Variants in DYRK1A observed in about 807,000 individuals in gnomAD.
DYRK1A encodes dual specificity tyrosine phosphorylation regulated kinase 1A, also known as dual specificity tyrosine-phosphorylation-regulated kinase 1A.
In DYRK1A, 9 loss-of-function variants were observed where a neutral mutation model predicts 79.7. The ratio of observed to expected loss-of-function variants is 0.11; its 90% CI spans 0.07 to 0.20. The LOEUF (loss-of-function observed/expected upper bound fraction) is 0.20, where lower values mean the gene tolerates loss of function less well. Among genes scored for constraint, DYRK1A ranks in the 10% least tolerant of loss-of-function variants. DYRK1A has a pLI of 1.00. For synonymous variants in DYRK1A, 349 were observed against 329.7 expected (o/e 1.06, Z -0.63); for missense variants, 622 against 956.0 (o/e 0.65, Z 4.61).
At chr21:37,398,756 A>G (rs984737797) in intron 1 of DYRK1A, among the ~76,000 whole-genome samples, 3 of 152,182 alleles carry the variant, frequency 2.0e-5, no homozygotes, top group Non-Finnish European at 4.4e-5. Flanking sequence ...ATTCATTATA[A>G]TGTCCTTAAG....
intron 2 of DYRK1A, chr21:37,421,652 T>G (rs1056513744): frequency 3.3e-5 from 5 of 152,164 alleles, no homozygotes; most frequent in African/African-American, 1.2e-4. Context: ...AAAAGCAACG[T>G]GATGCTGAAG....
At chr21:37,417,528 T>C (rs1180191280) in intron 1 of DYRK1A, among the ~76,000 whole-genome samples, 3 of 65,424 alleles carry the variant, frequency 4.6e-5, no homozygotes, top group African/African-American at 6.7e-5. Flanking sequence ...TTTTTCTTTT[T>C]CTTTTTTTTT....
At chr21:37,440,785 CTTTAA>C (rs1299842196) in intron 2 of DYRK1A, among the ~76,000 whole-genome samples, 2 of 152,040 alleles carry the variant, frequency 1.3e-5, no homozygotes, top group African/African-American at 4.8e-5. Flanking sequence ...ACTCGATTTC[CTTTAA>C]TTTATTAGGG....
chr21:37,480,743 T>C lies in DYRK1A; in HGVS notation c.406T>C (p.Tyr136His). The C allele has an allele frequency of 1.9e-6, 3 of 1,612,974 alleles. No individual in the cohort carries two copies. Among genetic ancestry groups the C allele is most frequent in the Non-Finnish European group, 2.5e-6 (3 of 1,179,496 alleles). ...VYNDGYDDDN[Y>H]DYIVKNGEKW... Reference sequence around the variant, plus strand: ...CAATGATGGTTATGATGATGATAACTATGATTATATTGTAAAAAACGGAGA... The same window carrying C: ...CAATGATGGTTATGATGATGATAACCATGATTATATTGTAAAAAACGGAGA... Residue 136 changes from tyrosine (Y) to histidine (H), a missense_variant, in exon 5 of 12, where the codon TAT becomes CAT. Physicochemically the swap from Tyr to His is moderately conservative, Grantham distance 83 (BLOSUM62 2). Coordinates refer to ENST00000647188, the MANE Select transcript of DYRK1A (RefSeq NM_001347721.2).
rs1213139646 is a variant in DYRK1A at position 37,440,132 on chromosome 21, T to G, written c.10+19748T>G. ...GTTGACTTTGATTTTGTTTGCTCCT[T>G]TTTTTTTTTTTTTTTTTTTTTGAGA... On this transcript the variant is annotated intron_variant, in intron 2 of 11. Coordinates refer to ENST00000647188, the MANE Select transcript of DYRK1A (RefSeq NM_001347721.2). Among the ~76,000 whole-genome samples the G allele has an allele frequency of 4.3e-5, 3 of 70,296 alleles. No homozygotes were observed. In the East Asian group the frequency reaches 2.1e-3, roughly 50 times the overall value. 46.1% of individuals were successfully genotyped at this position (70,296 alleles called of 152,430 possible).
chr21:37,430,986 A>T (rs1046178661), intron 2 of DYRK1A, among the ~76,000 whole-genome samples: 13 of 152,006 alleles, frequency 8.6e-5, no homozygotes, highest in African/African-American at 3.1e-4. Flanking sequence ...TCTGGTTCCT[A>T]GATCTTTTTG....
At chr21:37,471,913 CT>C (rs901930062) in intron 2 of DYRK1A, among the ~76,000 whole-genome samples, 19 of 151,996 alleles carry the variant, frequency 1.3e-4, no homozygotes, top group African/African-American at 3.1e-4. Context: ...TAAGAAAAAT[CT>C]TTTTTTTATC....
chr21:37,424,420 G>A (rs370522741), intron 2 of DYRK1A, among the ~76,000 whole-genome samples: 1 of 152,052 alleles, frequency 6.6e-6, no homozygotes, highest in Admixed American at 6.5e-5. Flanking sequence ...CCAAGTTTTA[G>A]TGTCCCCTAC....
chr21:37,381,884 A>G (rs2049665431), intron 1 of DYRK1A, among the ~76,000 whole-genome samples: 1 of 152,228 alleles, frequency 6.6e-6, no homozygotes, highest in Non-Finnish European at 1.5e-5. Flanking sequence ...TTTTGGCTTT[A>G]ACTTCAAGTT....
intron 2 of DYRK1A, among the ~76,000 whole-genome samples, chr21:37,425,332 AATAC>A (rs777788646): frequency 2.6e-5 from 4 of 152,334 alleles, no homozygotes; most frequent in Middle Eastern, 3.4e-3. Context: ...TGCTTGCTTT[AATAC>A]ATTTCTTCAA....
chr21:37,476,981 C>G (rs377189980), intron 3 of DYRK1A, among the ~76,000 whole-genome samples: 19 of 152,102 alleles, frequency 1.2e-4, no homozygotes, highest in East Asian at 7.7e-4. Flanking sequence ...TGATAAAGCG[C>G]ACGTAGTAAA....
intron 6 of DYRK1A, chr21:37,488,710 A>G (rs2052964645): frequency 1.0e-6 from 1 of 985,304 alleles, no homozygotes; most frequent in African/African-American, 1.7e-5. Flanking sequence ...GAAACTAAGT[A>G]GATCTTTCAT....
intron 1 of DYRK1A, among the ~76,000 whole-genome samples, chr21:37,394,724 A>G (rs2049930171): frequency 6.6e-6 from 1 of 152,124 alleles, no homozygotes; most frequent in African/African-American, 2.4e-5. Context: ...TCATTCTGAA[A>G]CCATTTCCCA....
In DYRK1A at chr21:37,490,347, A is replaced by G; in HGVS notation, c.810A>G (p.Pro270=). The part of the protein sequence containing the change: ...MCTALLFLAT[P]ELSIIHCDLK... ...CTGCACTGCTTTTCCTTGCGACTCC[A>G]GAACTTAGTATCATTCACTGTGATC... Residue 270 remains proline (P), a synonymous_variant, in exon 7 of 12, where the codon CCA becomes CCG. Coordinates refer to ENST00000647188, the MANE Select transcript of DYRK1A (RefSeq NM_001347721.2). 6.2e-7 allele frequency: 1 copy of G among 1,613,808 alleles called. No homozygotes were observed. The highest frequency in any genetic ancestry group is 8.5e-7 in the Non-Finnish European group (1 of 1,179,780).
intron 1 of DYRK1A, among the ~76,000 whole-genome samples, chr21:37,406,555 TGTG>T (rs1324698349): frequency 6.6e-6 from 1 of 151,850 alleles, no homozygotes; most frequent in Non-Finnish European, 1.5e-5. Context: ...ACTAGCCAGG[TGTG>T]GTGGCACATG....
At chr21:37,471,717 C>G (rs2052230886) in intron 2 of DYRK1A, among the ~76,000 whole-genome samples, 1 of 152,136 alleles carries the variant, frequency 6.6e-6, no homozygotes, top group Non-Finnish European at 1.5e-5. Flanking sequence ...CACTGTTGGA[C>G]CACCATTATT....
intron 1 of DYRK1A, among the ~76,000 whole-genome samples, chr21:37,396,466 T>C (rs1461524962): frequency 1.3e-5 from 2 of 151,432 alleles, no homozygotes; most frequent in African/African-American, 4.8e-5. Flanking sequence ...GCTTGGCAAT[T>C]GATAGATGCT....
intron 11 of DYRK1A, among the ~76,000 whole-genome samples, chr21:37,510,307 G>T (rs2053713771): frequency 6.6e-6 from 1 of 152,146 alleles, no homozygotes; most frequent in Non-Finnish European, 1.5e-5. Flanking sequence ...TATTTTCTGA[G>T]AACTCACTGC....
chr21:37,505,688 G>A, intron 10 of DYRK1A, 99 bp downstream of exon 10: 1 of 1,288,898 alleles, frequency 7.8e-7, no homozygotes, highest in South Asian at 1.5e-5. Flanking sequence ...TTAATAGAGT[G>A]GGGAGCAGTT....
Sources: allele counts gnomAD v4.1 joint callset (sites outside exome capture counted in the v4.1 genomes callset), GRCh38; gene constraint gnomAD v4.1.1; transcripts MANE v1.5; gene names NCBI Gene and HGNC (gene_info 2026-07-23, HGNC 2026-07-21).